LRP1B: variants seen among roughly 807,000 people sequenced by gnomAD.
LRP1B encodes LDL receptor related protein 1B.
In LRP1B, 217 loss-of-function variants were observed where a neutral mutation model predicts 556.6. The ratio of observed to expected loss-of-function variants is 0.39; its 90% CI spans 0.35 to 0.44. The LOEUF (loss-of-function observed/expected upper bound fraction) is 0.44, where lower values mean the gene tolerates loss of function less well. Among genes scored for constraint, LRP1B ranks in the 20% least tolerant of loss-of-function variants. The probability of loss-of-function intolerance (pLI) is 1.00; values close to 1 mark genes in which losing one functional copy is unlikely to be tolerated. For synonymous variants in LRP1B, 2,047 were observed against 1,865.8 expected (o/e 1.10, Z -2.50); for missense variants, 5,053 against 5,620.8 (o/e 0.90, Z 3.23).
At position 140,886,139 on chromosome 2, in the gene LRP1B, T is replaced by C; in HGVS notation, c.3963A>G (p.Gly1321=). 1 of 1,567,084 alleles carries C rather than the reference T, an allele frequency of 6.4e-7. No individual in the cohort carries two copies. Among genetic ancestry groups the C allele is most frequent in the Non-Finnish European group, 8.7e-7 (1 of 1,151,828 alleles). Residue 1321 remains glycine, a splice_region_variant and synonymous_variant, in exon 24 of 91, where the codon GGA becomes GGG. Coordinates refer to ENST00000389484, the MANE Select transcript of LRP1B (RefSeq NM_018557.3). The part of the protein sequence containing the change: ...RIYRGKLSES[G]GVSAIEVVVE... ...TAAGAAAAATTATAATATATGTACC[T>C]CCACTTTCAGAAAGCTTTCCCCGGT...
chr2:140,682,221 C>A (rs1685883453), intron 41 of LRP1B, among the ~76,000 whole-genome samples: 1 of 152,176 alleles, frequency 6.6e-6, no homozygotes, highest in South Asian at 2.1e-4. Flanking sequence ...ATCATCCCTG[C>A]TGGAGGAGAC....
intron 7 of LRP1B, among the ~76,000 whole-genome samples, chr2:141,164,245 T>A (rs1159985006): frequency 6.6e-6 from 1 of 152,018 alleles, no homozygotes; most frequent in Non-Finnish European, 1.5e-5. Flanking sequence ...CTGTGGAATT[T>A]TTTTTTCTTA....
intron 2 of LRP1B, among the ~76,000 whole-genome samples, chr2:141,686,174 A>G (rs1691294469): frequency 1.3e-5 from 2 of 152,138 alleles, no homozygotes; most frequent in East Asian, 1.9e-4. Flanking sequence ...CTCTACATCC[A>G]ATTTTCAGAC....
intron 1 of LRP1B, among the ~76,000 whole-genome samples, chr2:141,857,984 T>C (rs548068151): frequency 6.6e-6 from 1 of 152,198 alleles, no homozygotes; most frequent in Non-Finnish European, 1.5e-5. Flanking sequence ...CCTGGATTAT[T>C]TGTACTAAAG....
intron 35 of LRP1B, among the ~76,000 whole-genome samples, chr2:140,720,053 T>C (rs1048346576): frequency 7.2e-5 from 11 of 152,006 alleles, no homozygotes; most frequent in African/African-American, 2.7e-4. Context: ...ATTGTAAAGA[T>C]ACAAAATGGA....
At chr2:140,543,588 G>A (rs1680216297) in intron 43 of LRP1B, among the ~76,000 whole-genome samples, 1 of 151,678 alleles carries the variant, frequency 6.6e-6, no homozygotes, top group Admixed American at 6.6e-5. Flanking sequence ...AATATGAATA[G>A]AAATATAACG....
Position 141,191,162 on chromosome 2 carries a change from T to C in LRP1B, c.851-2579A>G, listed in dbSNP as rs1341066884. On this transcript the variant is annotated intron_variant, in intron 6 of 90. Transcript: ENST00000389484. ...CTCTTCATCATACTTAGTATGAAAATACTCAGGCTCAACCATCTCTTTGGG... is the reference window on the plus strand; with the variant it reads ...CTCTTCATCATACTTAGTATGAAAACACTCAGGCTCAACCATCTCTTTGGG... Among the ~76,000 whole-genome samples the C allele has an allele frequency of 2.0e-5, 3 of 152,084 alleles. No homozygotes were observed. The East Asian group carries it at 5.8e-4, about 29-fold the overall frequency.
intron 7 of LRP1B, among the ~76,000 whole-genome samples, chr2:141,095,987 T>G (rs1700289295): frequency 1.3e-5 from 2 of 152,124 alleles, no homozygotes; most frequent in Non-Finnish European, 2.9e-5. Context: ...ATTCTCATTT[T>G]TTTCATGATT....
rs902306469 is a variant in LRP1B, at chr2:141,787,776, T to G, written c.205+22503A>C. ...AAAAAAAAACCACTGATTTTCCAAA[T>G]GATGTGAGTACTATACTTGGCTACA... On this transcript the variant is annotated intron_variant, in intron 2 of 90. Transcript: ENST00000389484. 3.3e-5 allele frequency among the ~76,000 whole-genome samples: 5 copies of G among 151,944 alleles called. No individual in the cohort carries two copies. In the East Asian group the frequency reaches 7.7e-4, roughly 23 times the overall value.
chr2:141,005,373 T>A lies in LRP1B; in HGVS notation c.2465A>T (p.Asp822Val), dbSNP rs1293656354. 6.2e-7 allele frequency: 1 copy of A among 1,610,376 alleles called. No homozygotes were observed. The highest frequency in any genetic ancestry group is 2.2e-5 in the East Asian group (1 of 44,630). ...IPGGRVCACA[D>V]NQLLDENGTT... Reference sequence around the variant, plus strand: ...CCCATTTTCATCCAAAAGTTGATTATCGGCACAAGCACACACCCGGCCTCC... The same window carrying A: ...CCCATTTTCATCCAAAAGTTGATTAACGGCACAAGCACACACCCGGCCTCC... Residue 822 changes from aspartate (D) to valine (V), a missense_variant, in exon 15 of 91, where the codon GAT becomes GTT. Physicochemically the swap from Asp to Val is radical, Grantham distance 152. Transcript: ENST00000389484.
At chr2:141,603,187 A>T (rs1315558066) in intron 2 of LRP1B, among the ~76,000 whole-genome samples, 1 of 152,210 alleles carries the variant, frequency 6.6e-6, no homozygotes, top group Non-Finnish European at 1.5e-5. Flanking sequence ...AGTGAATACA[A>T]TCCAAGGATA....
chr2:140,587,333 G>C (rs1682026459), intron 43 of LRP1B, among the ~76,000 whole-genome samples: 1 of 152,194 alleles, frequency 6.6e-6, no homozygotes, highest in African/African-American at 2.4e-5. Flanking sequence ...TCTGGCAAGA[G>C]ACATATACCT....
rs1361289702 is a variant in LRP1B, at chr2:140,233,282, A to G, written c.13704T>C (p.Asp4568=). The change falls in exon 91 of 91, where the codon GAT becomes GAC. Residue 4568 remains aspartate (D), a synonymous_variant. Transcript: ENST00000389484. ...SNPVYAKLYM[D]GQNCRNSLGS... ...CTAAGGAGTTTCGACAGTTTTGCCC[A>G]TCCATATATAATTTTGCATATACCG... 1 of 1,605,092 alleles carries G rather than the reference A, an allele frequency of 6.2e-7. No homozygotes were observed. The highest frequency in any genetic ancestry group is 2.3e-5 in the East Asian group (1 of 44,406).
intron 7 of LRP1B, among the ~76,000 whole-genome samples, chr2:141,069,539 T>C (rs528195786): frequency 3.4e-4 from 52 of 152,206 alleles, no homozygotes; most frequent in African/African-American, 1.2e-3. Flanking sequence ...GATTTGTTTA[T>C]GATCCATCAC....
At chr2:141,459,961 T>A (rs942968682) in intron 3 of LRP1B, among the ~76,000 whole-genome samples, 18 of 152,168 alleles carry the variant, frequency 1.2e-4, no homozygotes, top group Admixed American at 3.9e-4. Flanking sequence ...AGATGAAGAT[T>A]TGTGTCACCA....
At chr2:140,637,803 C>T (rs1684124435) in intron 41 of LRP1B, among the ~76,000 whole-genome samples, 1 of 152,182 alleles carries the variant, frequency 6.6e-6, no homozygotes, top group African/African-American at 2.4e-5. Context: ...TTACTTCTCA[C>T]TGGTCCCTCT....
At chr2:141,847,746 G>C (rs1187462055) in intron 1 of LRP1B, among the ~76,000 whole-genome samples, 1 of 151,512 alleles carries the variant, frequency 6.6e-6, no homozygotes, top group East Asian at 1.9e-4. Flanking sequence ...TCAGTACAGA[G>C]AGGAAATTCT....
At chr2:141,259,332 G>T (rs960651890) in intron 3 of LRP1B, among the ~76,000 whole-genome samples, 2 of 152,128 alleles carry the variant, frequency 1.3e-5, no homozygotes, top group African/African-American at 4.8e-5. Flanking sequence ...CTATATGAGT[G>T]TGGCAGAGAA....
chr2:141,793,829 T>A (rs1695708004), intron 2 of LRP1B, among the ~76,000 whole-genome samples: 1 of 151,888 alleles, frequency 6.6e-6, no homozygotes. Flanking sequence ...TTTCCCTTCT[T>A]TTTTCTCTTC....
Sources: gnomAD v4.1 joint callset for allele counts (sites outside exome capture counted in the v4.1 genomes callset) on GRCh38, gnomAD v4.1.1 for gene constraint, MANE v1.5 for transcripts, NCBI Gene and HGNC (gene_info 2026-07-23, HGNC 2026-07-21) for gene names.